ACOXL: variants seen among roughly 807,000 people sequenced by gnomAD.
The protein encoded by ACOXL is acyl-coenzyme A oxidase-like protein.
A neutral mutation model predicts 71.9 loss-of-function variants in ACOXL; 70 were observed. The observed-to-expected ratio is 0.97, with a 90% confidence interval of 0.80 to 1.19. The LOEUF (loss-of-function observed/expected upper bound fraction) is 1.19. Ranked by LOEUF, ACOXL falls within the 50% of genes most tolerant of loss-of-function variation. The probability of loss-of-function intolerance (pLI) is 0.00; values close to 1 mark genes in which losing one functional copy is unlikely to be tolerated. For synonymous variants in ACOXL, 253 were observed against 281.6 expected (o/e 0.90, Z 1.02); for missense variants, 703 against 736.3 (o/e 0.95, Z 0.52).
At chr2:110,921,400 C>T (rs867158331) in intron 11 of ACOXL, among the ~76,000 whole-genome samples, 658 of 100,778 alleles carry the variant, frequency 6.5e-3, no homozygotes, top group Middle Eastern at 0.018. Flanking sequence ...CCCCCCCCCC[C>T]TTTTTTTTTT....
At chr2:110,826,559 C>T (rs1488928273) in intron 9 of ACOXL, among the ~76,000 whole-genome samples, 1 of 152,156 alleles carries the variant, frequency 6.6e-6, no homozygotes, top group African/African-American at 2.4e-5. Flanking sequence ...AGATTCTAAT[C>T]TGAACCTTGT....
chr2:110,986,969 C>T (rs1019367866), intron 12 of ACOXL, 139 bp from the exon 13 acceptor site: 1 of 704,500 alleles, frequency 1.4e-6, no homozygotes, highest in African/African-American at 1.8e-5. Context: ...AATAGAGACC[C>T]TTGTAAGAAT....
rs142700051 is a variant in ACOXL at position 111,008,399 on chromosome 2, T to C, written c.1281+12395T>C. Among the ~76,000 whole-genome samples the C allele has an allele frequency of 3.5e-4, 53 of 152,318 alleles. No homozygotes were observed. The East Asian group carries it at 9.8e-3, about 28-fold the overall frequency. ...TACATACCTCATGTAGGTGGCAAGA[T>C]ATCTTTAGTCTCTGGCTTATCCTTC... On this transcript the variant is annotated intron_variant, in intron 14 of 17. Coordinates refer to ENST00000439055, the MANE Select transcript of ACOXL (RefSeq NM_001142807.4).
intron 11 of ACOXL, among the ~76,000 whole-genome samples, chr2:110,928,406 A>G (rs1056452154): frequency 6.6e-6 from 1 of 152,210 alleles, no homozygotes; most frequent in African/African-American, 2.4e-5. Flanking sequence ...AATGAGTGTA[A>G]TAACCCTCCA....
At chr2:110,892,538 GT>G (rs1698039894) in intron 10 of ACOXL, among the ~76,000 whole-genome samples, 1 of 152,138 alleles carries the variant, frequency 6.6e-6, no homozygotes, top group Non-Finnish European at 1.5e-5. Context: ...AGGATGAAGT[GT>G]TTAGTTTTTG....
chr2:111,062,693 G>T (rs1031165499), intron 16 of ACOXL, among the ~76,000 whole-genome samples: 1 of 152,080 alleles, frequency 6.6e-6, no homozygotes, highest in African/African-American at 2.4e-5. Flanking sequence ...GAAACTTACA[G>T]CTTATTTTAA....
At chr2:110,798,421 T>A (rs1483186356) in intron 5 of ACOXL, among the ~76,000 whole-genome samples, 189 bp from the exon 6 acceptor site, 2 of 152,062 alleles carry the variant, frequency 1.3e-5, no homozygotes, top group Non-Finnish European at 2.9e-5. Context: ...CATGCCTGGC[T>A]AATTTTTTGT....
At chr2:111,104,947 T>C (rs1310923654) in intron 17 of ACOXL, among the ~76,000 whole-genome samples, 1 of 152,162 alleles carries the variant, frequency 6.6e-6, no homozygotes, top group South Asian at 2.1e-4. Flanking sequence ...ATCTAAAAAT[T>C]TTATACTTTT....
At chr2:110,780,218 T>C (rs148574075) in intron 2 of ACOXL, among the ~76,000 whole-genome samples, 2 of 152,220 alleles carry the variant, frequency 1.3e-5, no homozygotes. Flanking sequence ...CTCATATCTC[T>C]AGTCATCTGA....
At chr2:110,869,122 G>A (rs995017710) in intron 10 of ACOXL, among the ~76,000 whole-genome samples, 1 of 152,176 alleles carries the variant, frequency 6.6e-6, no homozygotes, top group African/African-American at 2.4e-5. Flanking sequence ...TAGCTGAAGT[G>A]TCTGAAGCAC....
chr2:111,031,675 C>T lies in ACOXL; in HGVS notation c.1330C>T (p.His444Tyr). The change falls in exon 15 of 18, where the codon CAC becomes TAC. Residue 444 changes from histidine (H) to tyrosine (Y), a missense_variant. By Grantham distance (83) the His-to-Tyr change is moderately conservative (BLOSUM62 2). Transcript: ENST00000439055. The stretch of plus-strand genomic sequence containing the variant: ...TTTCCATGCCTGGAACTCGTGTCTG[C>T]ACCACGTGGCTTCTCTGTCCCTGGC... Reference protein sequence around the residue: ...DFFHAWNSCLHHVASLSLAHT... With the variant: ...DFFHAWNSCLYHVASLSLAHT... 5 of 1,614,170 alleles carry T rather than the reference C, an allele frequency of 3.1e-6. No homozygotes were observed. In the South Asian group the frequency reaches 4.4e-5, roughly 14 times the overall value.
At chr2:110,975,756 C>T (rs2062416774) in intron 12 of ACOXL, among the ~76,000 whole-genome samples, 1 of 150,798 alleles carries the variant, frequency 6.6e-6, no homozygotes, top group Non-Finnish European at 1.5e-5. Context: ...TGCTATGAAA[C>T]ACAAGCATTC....
chr2:110,768,513 T>TGTGTGTGTGAGAGAGA (rs397975396), intron 2 of ACOXL, 49 bp downstream of exon 2: 9,350 of 925,990 alleles, frequency 0.01, 48 homozygotes, highest in Admixed American at 0.026. Context: ...TGTGTGTGTG[T>TGTGTGTGTGAGAGAGA]GAGAGAGAGA....
intron 9 of ACOXL, among the ~76,000 whole-genome samples, chr2:110,840,432 G>T (rs777814864): frequency 6.6e-6 from 1 of 152,126 alleles, no homozygotes; most frequent in African/African-American, 2.4e-5. Flanking sequence ...ATAGGCACAC[G>T]CATACACACA....
At chr2:110,915,073 G>A (rs951383831) in intron 11 of ACOXL, among the ~76,000 whole-genome samples, 1 of 151,928 alleles carries the variant, frequency 6.6e-6, no homozygotes, top group African/African-American at 2.4e-5. Flanking sequence ...ACCCTGTTTT[G>A]CTATTAAATA....
At chr2:110,943,084 AGAGG>A (rs1264614610) in intron 12 of ACOXL, among the ~76,000 whole-genome samples, 10 of 120,830 alleles carry the variant, frequency 8.3e-5, no homozygotes, top group African/African-American at 2.2e-4. Flanking sequence ...AGAAAAGAAG[AGAGG>A]GAGGGAGGAA....
chr2:110,941,534 A>G (rs572556013), intron 12 of ACOXL, among the ~76,000 whole-genome samples: 1 of 152,324 alleles, frequency 6.6e-6, no homozygotes, highest in East Asian at 1.9e-4. Context: ...AGTTTTGCTG[A>G]GGACTCATTT....
chr2:110,778,783 G>C (rs1452383667), intron 2 of ACOXL, among the ~76,000 whole-genome samples: 1 of 152,298 alleles, frequency 6.6e-6, no homozygotes, highest in East Asian at 1.9e-4. Context: ...TTTTTAAGTA[G>C]TCATGTGGTA....
chr2:110,854,319 C>A (rs148888839), intron 10 of ACOXL, among the ~76,000 whole-genome samples: 1 of 152,136 alleles, frequency 6.6e-6, no homozygotes, highest in Non-Finnish European at 1.5e-5. Flanking sequence ...TCTTTGTGAT[C>A]GTCCAGGCAG....
Sources: allele counts gnomAD v4.1 joint callset (sites outside exome capture counted in the v4.1 genomes callset), GRCh38; gene constraint gnomAD v4.1.1; transcripts MANE v1.5; gene names NCBI Gene and HGNC (gene_info 2026-07-23, HGNC 2026-07-21).